TMEM132B: variants seen among roughly 807,000 people sequenced by gnomAD.
The protein encoded by TMEM132B is transmembrane protein 132B.
A neutral mutation model predicts 90.8 loss-of-function variants in TMEM132B; 18 were observed. That is an observed-to-expected ratio of 0.20 (90% CI 0.14 to 0.29). TMEM132B has a LOEUF of 0.29. TMEM132B is among the 10% of genes least tolerant of loss of function. The pLI is 1.00. For synonymous variants in TMEM132B, 504 were observed against 523.3 expected (o/e 0.96, Z 0.50); for missense variants, 1,096 against 1,326.8 (o/e 0.83, Z 2.70).
intron 1 of TMEM132B, among the ~76,000 whole-genome samples, chr12:125,332,256 G>A (rs913742781): frequency 2.0e-5 from 3 of 152,140 alleles, no homozygotes; most frequent in Non-Finnish European, 2.9e-5. Context: ...GTAGATATCT[G>A]ACAAATTCCT....
At chr12:125,632,730 C>T (rs1383988909) in intron 5 of TMEM132B, among the ~76,000 whole-genome samples, 2 of 151,942 alleles carry the variant, frequency 1.3e-5, no homozygotes, top group Non-Finnish European at 2.9e-5. Flanking sequence ...TCTCTTCTGG[C>T]CTTTAAGGTT....
At chr12:125,599,990 C>T (rs983060565) in intron 5 of TMEM132B, among the ~76,000 whole-genome samples, 2 of 152,030 alleles carry the variant, frequency 1.3e-5, no homozygotes, top group Non-Finnish European at 1.5e-5. Context: ...AGTTAGGAGG[C>T]GACAATGGGT....
intron 4 of TMEM132B, among the ~76,000 whole-genome samples, chr12:125,557,951 A>C (rs1459818589): frequency 6.6e-6 from 1 of 152,172 alleles, no homozygotes; most frequent in Non-Finnish European, 1.5e-5. Context: ...GTCACTGATA[A>C]AAGGCCCTCC....
intron 2 of TMEM132B, among the ~76,000 whole-genome samples, chr12:125,397,988 A>G (rs935055620): frequency 6.6e-5 from 10 of 152,230 alleles, no homozygotes; most frequent in African/African-American, 2.2e-4. Context: ...TATGTCCCAC[A>G]TAGTGACAAG....
chr12:125,321,705 T>C (rs1876429375), intron 1 of TMEM132B, among the ~76,000 whole-genome samples: 1 of 152,150 alleles, frequency 6.6e-6, no homozygotes, highest in Non-Finnish European at 1.5e-5. Context: ...CTGAAACTCC[T>C]GACCTCAGGT....
At chr12:125,309,812 G>A (rs57439726) in intron 1 of TMEM132B, among the ~76,000 whole-genome samples, 26,499 of 152,172 alleles carry the variant, frequency 0.17, 2,330 homozygotes, top group Non-Finnish European at 0.19. Flanking sequence ...AAGAACAATG[G>A]CATTTATTTT....
intron 2 of TMEM132B, among the ~76,000 whole-genome samples, chr12:125,367,158 T>C (rs777232530): frequency 6.6e-6 from 1 of 152,216 alleles, no homozygotes; most frequent in Non-Finnish European, 1.5e-5. Flanking sequence ...TGGGTCATCC[T>C]CAGGTTGGTT....
chr12:125,221,433 G>C (rs1413931425), intron 1 of TMEM132B, among the ~76,000 whole-genome samples: 3 of 152,200 alleles, frequency 2.0e-5, no homozygotes, highest in African/African-American at 4.8e-5. Flanking sequence ...TGTGGGCACA[G>C]TGCCTAGGGC....
intron 1 of TMEM132B, among the ~76,000 whole-genome samples, chr12:125,252,462 T>C (rs769512667): frequency 2.6e-4 from 40 of 152,110 alleles, no homozygotes; most frequent in Non-Finnish European, 4.9e-4. Context: ...GAGAATCTGA[T>C]TGGCTCACCT....
intron 2 of TMEM132B, among the ~76,000 whole-genome samples, chr12:125,379,605 A>T (rs902299306): frequency 2.0e-5 from 3 of 152,242 alleles, no homozygotes; most frequent in African/African-American, 7.2e-5. Flanking sequence ...ATGATAAGAC[A>T]ATATATTTAT....
At position 125,453,076 on chromosome 12, in the gene TMEM132B, AACACAC is replaced by A. The variant is rs60350192; in HGVS notation, c.1106+37433_1106+37438del. Among the ~76,000 whole-genome samples the A allele has an allele frequency of 1.8e-3, 264 of 143,776 alleles. 1 individual carries two copies. The highest frequency in any genetic ancestry group is 3.1e-3 in the African/African-American group (121 of 38,632). 94.3% of individuals were successfully genotyped at this position (143,776 alleles called of 152,430 possible). On this transcript the variant is annotated intron_variant, in intron 3 of 8. Transcript: ENST00000682704. Reference sequence around the variant, plus strand: ...CTGTTTGTTTTTTGCATTTCAGTAAAACACACACACACACACACACACACACACACA... The same window carrying A: ...CTGTTTGTTTTTTGCATTTCAGTAAAACACACACACACACACACACACACA...
At chr12:125,262,406 G>A (rs749123872) in intron 1 of TMEM132B, among the ~76,000 whole-genome samples, 10 of 152,076 alleles carry the variant, frequency 6.6e-5, no homozygotes, top group Non-Finnish European at 1.5e-4. Context: ...AAAAAAAATG[G>A]ACTATTGCTC....
intron 3 of TMEM132B, among the ~76,000 whole-genome samples, chr12:125,474,553 T>G (rs1020716542): frequency 2.6e-4 from 40 of 152,182 alleles, no homozygotes; most frequent in African/African-American, 8.7e-4. Flanking sequence ...TCTCCCAAAG[T>G]GCTGGGATTG....
intron 4 of TMEM132B, among the ~76,000 whole-genome samples, chr12:125,583,263 G>A (rs1481077031): frequency 3.3e-5 from 5 of 152,056 alleles, no homozygotes; most frequent in African/African-American, 1.2e-4. Flanking sequence ...AGTGAGAAAC[G>A]CACATGTCAG....
intron 1 of TMEM132B, among the ~76,000 whole-genome samples, chr12:125,218,348 T>C (rs1873485012): frequency 6.6e-6 from 1 of 152,104 alleles, no homozygotes; most frequent in Non-Finnish European, 1.5e-5. Flanking sequence ...CCCCTTAAAA[T>C]GAGAAAAAAG....
intron 1 of TMEM132B, among the ~76,000 whole-genome samples, chr12:125,189,983 G>A (rs1957787351): frequency 6.6e-6 from 1 of 152,156 alleles, no homozygotes; most frequent in South Asian, 2.1e-4. Flanking sequence ...TCACTGTGGC[G>A]AGATGGAGGC....
chr12:125,539,685 A>G (rs2136722487), intron 4 of TMEM132B, among the ~76,000 whole-genome samples: 1 of 152,326 alleles, frequency 6.6e-6, no homozygotes, highest in Non-Finnish European at 1.5e-5. Flanking sequence ...TGATATGTCT[A>G]GACTCTCTAG....
intron 1 of TMEM132B, among the ~76,000 whole-genome samples, chr12:125,192,984 C>A (rs1872831858): frequency 6.6e-6 from 1 of 152,246 alleles, no homozygotes; most frequent in Non-Finnish European, 1.5e-5. Context: ...GGTTTGTAAA[C>A]AACAACGGCG....
intron 1 of TMEM132B, among the ~76,000 whole-genome samples, chr12:125,312,135 T>A (rs1175337258): frequency 2.0e-5 from 3 of 152,178 alleles, no homozygotes; most frequent in African/African-American, 7.2e-5. Context: ...ATCTTCCAGT[T>A]TTTCAAGAGA....
Sources: allele counts gnomAD v4.1 joint callset (sites outside exome capture counted in the v4.1 genomes callset), GRCh38; gene constraint gnomAD v4.1.1; transcripts MANE v1.5; gene names NCBI Gene and HGNC (gene_info 2026-07-23, HGNC 2026-07-21).